Variants in PASD1 observed in about 807,000 individuals in gnomAD.
PASD1 encodes circadian clock protein PASD1.
PASD1 carries 13 observed loss-of-function variants against 58.8 expected under a neutral mutation model. The observed-to-expected ratio is 0.22, with a 90% CI of 0.14 to 0.35. The LOEUF is 0.35. Among genes scored for constraint, PASD1 ranks in the 10% least tolerant of loss-of-function variants. The pLI is 1.00. For synonymous variants in PASD1, 236 were observed against 216.7 expected, an observed-to-expected ratio of 1.09 and a Z score of -0.78; for missense variants, 734 against 568.3, an observed-to-expected ratio of 1.29 and a Z score of -2.96.
Position 151,567,044 on chromosome X carries a change from CAAAA to C in PASD1, c.-28+3206_-28+3209del, listed in dbSNP as rs1196963493. On this transcript the variant is annotated intron_variant, in intron 1 of 15. Transcript: ENST00000370357. Reference sequence around the variant, plus strand: ...GGGCAACAAGAGTGAAACTCCGTCTCAAAATAAATAAATAAATAAATAAATAAAT... The same window carrying C: ...GGGCAACAAGAGTGAAACTCCGTCTCTAAATAAATAAATAAATAAATAAAT... Among the ~76,000 whole-genome samples the C allele has an allele frequency of 1.7e-4, 13 of 76,312 alleles. No individual in the cohort carries two copies. The South Asian group carries it at 6.7e-3, about 39-fold the overall frequency. 66.3% of individuals were successfully genotyped at this position (76,312 alleles called of 115,157 possible). A position where few individuals can be genotyped will look rare whatever the true frequency, so the allele number is the denominator to read the frequency against.
intron 1 of PASD1, among the ~76,000 whole-genome samples, chrX:151,572,553 G>A (rs187809629): frequency 7.2e-5 from 8 of 110,906 alleles, no homozygotes; most frequent in East Asian, 2.8e-4. Context: ...GATTCTTTAC[G>A]GTTTAAATTT....
At chrX:151,595,815 C>G (rs1319145719) in intron 1 of PASD1, among the ~76,000 whole-genome samples, 3 of 111,875 alleles carry the variant, frequency 2.7e-5, no homozygotes, top group Non-Finnish European at 5.6e-5. Flanking sequence ...CTCTGCTCCA[C>G]AAATTGTAAC....
chrX:151,572,242 C>T (rs759607966), intron 1 of PASD1, among the ~76,000 whole-genome samples: 3 of 110,843 alleles, frequency 2.7e-5, no homozygotes, highest in Admixed American at 9.7e-5. Context: ...TCTTTAGGTC[C>T]TTTTGATTTA....
At chrX:151,566,151 C>A (rs769578415) in intron 1 of PASD1, among the ~76,000 whole-genome samples, 11 of 112,314 alleles carry the variant, frequency 9.8e-5, no homozygotes, top group Non-Finnish European at 1.9e-4. Flanking sequence ...AGATACAGGG[C>A]AAAGCAACTG....
chrX:151,658,672 C>T (rs2014276359), intron 9 of PASD1, among the ~76,000 whole-genome samples: 1 of 112,078 alleles, frequency 8.9e-6, no homozygotes, highest in Admixed American at 9.5e-5. Flanking sequence ...AAAACATAGT[C>T]ATTTGAACAG....
At chrX:151,621,072 G>A (rs2013701174) in intron 5 of PASD1, 43 bp downstream of exon 5, 2 of 904,096 alleles carry the variant, frequency 2.2e-6, no homozygotes, top group South Asian at 2.5e-5. Flanking sequence ...GGTTTTAAGG[G>A]ACAAGTAACA....
At chrX:151,595,912 A>G (rs759913974) in intron 1 of PASD1, among the ~76,000 whole-genome samples, 63 of 111,239 alleles carry the variant, frequency 5.7e-4, no homozygotes, top group African/African-American at 2.0e-3. Context: ...TTCTCCCTCA[A>G]TCATGGTCTG....
At position 151,604,712 on chromosome X, in the gene PASD1, A is replaced by G. The variant is rs1033142614; in HGVS notation, c.95A>G (p.Tyr32Cys). 2 of 1,205,233 alleles carry G rather than the reference A, an allele frequency of 1.7e-6. No homozygotes were observed. The highest frequency in any genetic ancestry group is 3.5e-5 in the African/African-American group (2 of 57,358). Residue 32 changes from tyrosine (Y) to cysteine (C), a missense_variant, in exon 3 of 16, where the codon TAC becomes TGC. By Grantham distance (194) the Tyr-to-Cys change is radical. Transcript: ENST00000370357. ...ATTCCATCATTTCCTACCTATGATT[A>G]CTTCAACCAAGTGACGCTACAGGTA... is the stretch of plus-strand genomic sequence containing the variant. ...NWIPSFPTYD[Y>C]FNQVTLQLLD...
At chrX:151,665,034 G>C (rs1352868485) in intron 11 of PASD1, among the ~76,000 whole-genome samples, 2 of 112,110 alleles carry the variant, frequency 1.8e-5, no homozygotes, top group African/African-American at 3.2e-5. Context: ...ACCTGGAATT[G>C]TGTGCGTTCA....
intron 2 of PASD1, 52 bp from the exon 3 acceptor site, chrX:151,604,594 C>G: frequency 1.1e-6 from 1 of 895,307 alleles, no homozygotes; most frequent in Non-Finnish European, 1.6e-6. Flanking sequence ...ATACCCATAG[C>G]TAATCATTTT....
rs186435442 is a variant in PASD1 at position 151,643,938 on chromosome X, G to A, written c.630-4677G>A. Among the ~76,000 whole-genome samples the A allele has an allele frequency of 4.5e-5, 5 of 112,143 alleles. No individual in the cohort carries two copies. The East Asian group carries it at 1.4e-3, about 31-fold the overall frequency. On this transcript the variant is annotated intron_variant, in intron 8 of 15. Transcript: ENST00000370357. ...GGGTAGGAACTTGGTAAATGATAGT[G>A]TCTTTTCTGTCAGTCAGAGATGAGA... is the stretch of plus-strand genomic sequence containing the variant.
At chrX:151,617,631 G>A (rs1042433473) in intron 4 of PASD1, among the ~76,000 whole-genome samples, 1 of 111,771 alleles carries the variant, frequency 8.9e-6, no homozygotes, top group Non-Finnish European at 1.9e-5. Flanking sequence ...TAAGAAATAA[G>A]TATAAAATCT....
chrX:151,657,515 T>C (rs1349680953), intron 9 of PASD1, among the ~76,000 whole-genome samples: 1 of 111,568 alleles, frequency 9.0e-6, no homozygotes, highest in Non-Finnish European at 1.9e-5. Flanking sequence ...GGTAGGTTAT[T>C]AATTATTGCC....
chrX:151,659,739 G>A lies in PASD1; in HGVS notation c.744G>A (p.Glu248=). The part of the protein sequence containing the change: ...SDDQIDIAEV[E]QYGPQENVHM... The stretch of plus-strand genomic sequence containing the variant: ...ACCAAATTGATATTGCAGAGGTTGA[G>A]CAGTATGGACCACAAGAAAACGTTC... Residue 248 remains glutamate (E), a synonymous_variant, in exon 10 of 16, where the codon GAG becomes GAA. Transcript: ENST00000370357. 1.7e-6 allele frequency: 2 copies of A among 1,202,105 alleles called. No individual in the cohort carries two copies. The highest frequency in any genetic ancestry group is 2.3e-6 in the Non-Finnish European group (2 of 887,297).
rs1015590147 is a variant in PASD1 at position 151,589,211 on chromosome X, C to T, written c.-27-12316C>T. Among the ~76,000 whole-genome samples, 3 of 111,546 alleles carry T rather than the reference C, an allele frequency of 2.7e-5. No homozygotes were observed. The Admixed American group carries it at 2.9e-4, about 11-fold the overall frequency. Reference sequence around the variant, plus strand: ...ACTACAGGGTTATCCTCTTCTGCCACATGTTGCACATTACGCGGGCATACA... The same window carrying T: ...ACTACAGGGTTATCCTCTTCTGCCATATGTTGCACATTACGCGGGCATACA... On this transcript the variant is annotated intron_variant, in intron 1 of 15. Transcript: ENST00000370357.
chrX:151,622,283 T>C (rs1410939753), intron 6 of PASD1, among the ~76,000 whole-genome samples: 1 of 110,602 alleles, frequency 9.0e-6, no homozygotes, highest in African/African-American at 3.3e-5. Context: ...CATTAAAATA[T>C]CTGGGACTTG....
chrX:151,636,209 G>A (rs1301978434), intron 8 of PASD1, among the ~76,000 whole-genome samples: 3 of 110,881 alleles, frequency 2.7e-5, no homozygotes, highest in Non-Finnish European at 5.7e-5. Context: ...TTCTAACCCA[G>A]CATAAGTTGT....
At chrX:151,568,862 C>G (rs1213837376) in intron 1 of PASD1, among the ~76,000 whole-genome samples, 1 of 111,329 alleles carries the variant, frequency 9.0e-6, no homozygotes, top group East Asian at 2.8e-4. Context: ...GTGAACTTCT[C>G]CATCCGTGTG....
Position 151,672,256 on chromosome X carries a change from G to C in PASD1, c.1511G>C (p.Arg504Thr). Residue 504 changes from arginine to threonine, a missense_variant, in exon 14 of 16, where the codon AGA becomes ACA. Coordinates refer to ENST00000370357, the MANE Select transcript of PASD1 (RefSeq NM_173493.3). ...RQLREQLQQLREQRKVQKQKK... is the reference protein window; with the variant it reads ...RQLREQLQQLTEQRKVQKQKK... Reference sequence around the variant, plus strand: ...CTGCGGGAGCAGCTGCAACAGCTGAGAGAGCAAAGGAAGGTGCAGAAGCAG... The same window carrying C: ...CTGCGGGAGCAGCTGCAACAGCTGACAGAGCAAAGGAAGGTGCAGAAGCAG... 1 of 1,167,214 alleles carries C rather than the reference G, an allele frequency of 8.6e-7. No individual in the cohort carries two copies. Among genetic ancestry groups the C allele is most frequent in the Non-Finnish European group, 1.1e-6 (1 of 873,009 alleles).
Sources: gnomAD v4.1 joint callset for allele counts (sites outside exome capture counted in the v4.1 genomes callset) on GRCh38, gnomAD v4.1.1 for gene constraint, MANE v1.5 for transcripts, NCBI Gene and HGNC (gene_info 2026-07-23, HGNC 2026-07-21) for gene names.